Variants in RGS5 observed in about 807,000 individuals in gnomAD.
RGS5 encodes regulator of G protein signaling 5, also known as regulator of G-protein signalling 5.
Under a neutral mutation model 18.9 loss-of-function variants are expected in RGS5, and 20 were observed. That is an observed-to-expected ratio of 1.06 (90% confidence interval 0.74 to 1.54). The LOEUF (loss-of-function observed/expected upper bound fraction) is 1.54. Among genes scored for constraint, RGS5 ranks in the 40% most tolerant of loss-of-function variants. The probability of loss-of-function intolerance (pLI) is 0.00; values close to 1 mark genes in which losing one functional copy is unlikely to be tolerated. For missense variants in RGS5, 201 were observed against 211.8 expected, an observed-to-expected ratio of 0.95 and a Z score of 0.32; for synonymous variants, 57 against 76.2, an observed-to-expected ratio of 0.75 and a Z score of 1.31.
intron 1 of RGS5, among the ~76,000 whole-genome samples, chr1:163,193,411 G>T (rs1659435835): frequency 6.6e-6 from 1 of 152,080 alleles, no homozygotes; most frequent in East Asian, 1.9e-4. Context: ...AAAAATTCAG[G>T]TTAAGTTATT....
rs1283366401 is a variant in RGS5 at position 163,144,266 on chromosome 1, G to A, written c.*3076C>T. On this transcript the variant is annotated 3_prime_UTR_variant, in exon 5 of 5. Transcript: ENST00000313961. Reference sequence around the variant, plus strand: ...ATGGAAGATTATTCACATGCTTGAAGGCTATTCACACTGCTTTAACAAATA... The same window carrying A: ...ATGGAAGATTATTCACATGCTTGAAAGCTATTCACACTGCTTTAACAAATA... 6.6e-6 allele frequency: 1 copy of A among 152,098 alleles called. No individual in the cohort carries two copies. Among genetic ancestry groups the A allele is most frequent in the Non-Finnish European group, 1.5e-5 (1 of 68,014 alleles). The allele number at this position is 152,098 out of a possible 1,614,324, so 9.4% of individuals were successfully genotyped here. A position where few individuals can be genotyped will look rare whatever the true frequency, so the allele number is the denominator to read the frequency against.
At chr1:163,209,338 T>C (rs1363869303) in intron 1 of RGS5, among the ~76,000 whole-genome samples, 1 of 152,186 alleles carries the variant, frequency 6.6e-6, no homozygotes, top group Non-Finnish European at 1.5e-5. Context: ...TTGGTAGTGT[T>C]TAATGTCTAG....
chr1:163,297,712 C>G (rs1301161939), intron 2 of RGS5, among the ~76,000 whole-genome samples: 3 of 152,044 alleles, frequency 2.0e-5, no homozygotes, highest in Non-Finnish European at 4.4e-5. Flanking sequence ...TGCTTGTTAA[C>G]CTGTCTTTTG....
At chr1:163,148,372 A>AAACC (rs1458223302) in intron 4 of RGS5, among the ~76,000 whole-genome samples, 34 of 152,322 alleles carry the variant, frequency 2.2e-4, no homozygotes, top group Admixed American at 7.8e-4. Flanking sequence ...TTCCAAAAAC[A>AAACC]AACCAGGAAA....
chr1:163,237,905 C>G (rs746320741), intron 2 of RGS5: 3 of 154,120 alleles, frequency 1.9e-5, no homozygotes, highest in African/African-American at 4.8e-5. Flanking sequence ...TATTACACTA[C>G]AGATTGATGT....
intron 3 of RGS5, among the ~76,000 whole-genome samples, chr1:163,161,076 CA>C (rs1657779008): frequency 6.6e-6 from 1 of 152,038 alleles, no homozygotes; most frequent in African/African-American, 2.4e-5. Flanking sequence ...TCTGGATGGT[CA>C]AGGAACACTA....
At chr1:163,295,630 G>C (rs936275971) in intron 2 of RGS5, among the ~76,000 whole-genome samples, 2 of 151,978 alleles carry the variant, frequency 1.3e-5, no homozygotes, top group Non-Finnish European at 2.9e-5. Flanking sequence ...CTCTTCCTAC[G>C]GTCTTCCTCT....
In RGS5 at chr1:163,147,299, G is replaced by C; in HGVS notation, c.*43C>G. 1.3e-6 allele frequency: 2 copies of C among 1,534,512 alleles called. No homozygotes were observed. The highest frequency in any genetic ancestry group is 1.8e-6 in the Non-Finnish European group (2 of 1,138,304). ...TAATGGGAAATGCAGGGTTATTATG[G>C]AGGAAATAACTCACAGGATGATTTC... On this transcript the variant is annotated 3_prime_UTR_variant, in exon 5 of 5. Coordinates refer to ENST00000313961, the MANE Select transcript of RGS5 (RefSeq NM_003617.4).
intron 1 of RGS5, among the ~76,000 whole-genome samples, chr1:163,316,191 GT>G (rs1439891847): frequency 4.6e-5 from 7 of 152,182 alleles, no homozygotes; most frequent in Non-Finnish European, 1.0e-4. Context: ...TGATTAAAGG[GT>G]TTTGCATATT....
chr1:163,165,552 A>G (rs980228363), intron 2 of RGS5, among the ~76,000 whole-genome samples: 3 of 152,190 alleles, frequency 2.0e-5, no homozygotes, highest in Admixed American at 6.5e-5. Flanking sequence ...GGGAGCACTT[A>G]GAGAAAGAGA....
intron 2 of RGS5, 131 bp downstream of exon 2, chr1:163,168,127 C>G: frequency 1.6e-6 from 1 of 612,138 alleles, no homozygotes; most frequent in Non-Finnish European, 2.8e-6. Flanking sequence ...TGCAAACCAA[C>G]TCTCTGAGGG....
intron 2 of RGS5, among the ~76,000 whole-genome samples, chr1:163,294,445 G>A (rs1571346149): frequency 6.6e-6 from 1 of 152,342 alleles, no homozygotes; most frequent in East Asian, 1.9e-4. Flanking sequence ...ACTGGAGCTG[G>A]AGCAGCCGGG....
At chr1:163,265,654 A>C (rs1648556752) in intron 2 of RGS5, among the ~76,000 whole-genome samples, 1 of 152,006 alleles carries the variant, frequency 6.6e-6, no homozygotes, top group Non-Finnish European at 1.5e-5. Context: ...TCAACCTCTC[A>C]ATCACTCTTC....
At chr1:163,175,486 T>C (rs895650478) in intron 1 of RGS5, among the ~76,000 whole-genome samples, 2 of 152,122 alleles carry the variant, frequency 1.3e-5, no homozygotes, top group Non-Finnish European at 2.9e-5. Context: ...AATATGCTAG[T>C]GGAAAGTCGG....
At chr1:163,281,800 C>A (rs12743286) in intron 2 of RGS5, among the ~76,000 whole-genome samples, 46,048 of 152,012 alleles carry the variant, frequency 0.3, 7,025 homozygotes, top group Non-Finnish European at 0.32. Flanking sequence ...ACAAAGGTAT[C>A]ATTAACACAC....
chr1:163,163,468 T>G (rs1657898819), intron 2 of RGS5, among the ~76,000 whole-genome samples: 2 of 135,546 alleles, frequency 1.5e-5, no homozygotes. Flanking sequence ...CTGGCTAGTA[T>G]AAAGGAGCAC....
rs546106169 is a variant in RGS5, at chr1:163,210,558, A to G, written c.69+6968T>C. On this transcript the variant is annotated intron_variant, in intron 1 of 5. Coordinates refer to the RGS5 transcript ENST00000367903. ...CTGAAGAAAGAGAGAAAGTATCTCA[A>G]TTCAAACTATAGTTCTATCACTGTC... is the stretch of plus-strand genomic sequence containing the variant. 1.1e-4 allele frequency among the ~76,000 whole-genome samples: 16 copies of G among 152,312 alleles called. 1 individual carries two copies. Among genetic ancestry groups the G allele is most frequent in the East Asian group, 1.9e-4 (1 of 5,182 alleles).
intron 2 of RGS5, among the ~76,000 whole-genome samples, chr1:163,261,420 T>C (rs1648430888): frequency 6.6e-6 from 1 of 152,156 alleles, no homozygotes; most frequent in Non-Finnish European, 1.5e-5. Context: ...TCTAAGCATC[T>C]CCATTTAGAA....
chr1:163,162,125 C>T (rs1657825093), intron 2 of RGS5, 149 bp from the exon 3 acceptor site: 1 of 612,820 alleles, frequency 1.6e-6, no homozygotes, highest in Non-Finnish European at 2.9e-6. Flanking sequence ...GTTATTTTCT[C>T]TCTAACAATT....
Sources: allele counts gnomAD v4.1 joint callset (sites outside exome capture counted in the v4.1 genomes callset), GRCh38; gene constraint gnomAD v4.1.1; transcripts MANE v1.5; gene names NCBI Gene and HGNC (gene_info 2026-07-23, HGNC 2026-07-21).